Variants in C4orf51 observed in about 807,000 individuals in gnomAD.
C4orf51 encodes the protein uncharacterized protein C4orf51.
A neutral mutation model predicts 25.2 loss-of-function variants in C4orf51; 25 were observed. That is an observed-to-expected ratio of 0.99 (90% confidence interval 0.72 to 1.39). The LOEUF is 1.39. C4orf51 is among the 40% of genes most tolerant of loss of function. The pLI is 0.00. For synonymous variants in C4orf51, 100 were observed against 84.5 expected (o/e 1.18, Z -1.01); for missense variants, 252 against 239.6 (o/e 1.05, Z -0.34).
intron 1 of C4orf51, among the ~76,000 whole-genome samples, chr4:145,696,205 T>G (rs1730039052): frequency 6.6e-6 from 1 of 152,104 alleles, no homozygotes; most frequent in Non-Finnish European, 1.5e-5. Context: ...GAGGTTGCAG[T>G]GAGCCAAGAT....
the C4orf51 span, among the ~76,000 whole-genome samples, chr4:145,785,680 A>C: frequency 6.6e-6 from 1 of 152,206 alleles, no homozygotes; most frequent in Non-Finnish European, 1.5e-5. Flanking sequence ...ACTGAGGCCA[A>C]GAGAACCTAA....
chr4:145,758,406 G>A (rs1383802798), downstream of C4orf51: 1 of 152,098 alleles, frequency 6.6e-6, no homozygotes, highest in African/African-American at 2.4e-5. Flanking sequence ...GAATTGTCAG[G>A]GCCACCCTTT....
chr4:145,720,200 G>A (rs183429741), intron 2 of C4orf51, among the ~76,000 whole-genome samples: 1 of 152,078 alleles, frequency 6.6e-6, no homozygotes, highest in Non-Finnish European at 1.5e-5. Flanking sequence ...CCTGGGAGGC[G>A]AACATAAAGG....
Position 145,713,845 on chromosome 4 carries a change from C to T in C4orf51, c.308-13066C>T, listed in dbSNP as rs1417908530. 3.3e-5 allele frequency among the ~76,000 whole-genome samples: 5 copies of T among 152,172 alleles called. No individual in the cohort carries two copies. The East Asian group carries it at 7.7e-4, about 24-fold the overall frequency. ...TTGCCCAGGCTGGAGTGCAGTGATG[C>T]AATCTCGGCTCACTGCAAACTCCGC... On this transcript the variant is annotated intron_variant, in intron 2 of 5. Coordinates refer to ENST00000438731, the MANE Select transcript of C4orf51 (RefSeq NM_001080531.3).
intron 1 of C4orf51, among the ~76,000 whole-genome samples, chr4:145,688,448 G>A (rs756733251): frequency 7.2e-5 from 11 of 152,174 alleles, no homozygotes; most frequent in Non-Finnish European, 1.5e-4. Context: ...GAAGGTCCTG[G>A]TAGGAGGTGA....
At chr4:145,737,638 T>C (rs558676596), downstream of C4orf51, among the ~76,000 whole-genome samples, 98 of 152,366 alleles carry the variant, frequency 6.4e-4, no homozygotes, top group Middle Eastern at 3.4e-3. Context: ...TCTCTGCATG[T>C]TAGCTTGGCT....
chr4:145,763,869 C>T lies in C4orf51; in HGVS notation n.167-7119C>T, dbSNP rs1734880427. On this transcript the variant is annotated intron_variant and non_coding_transcript_variant, in intron 1 of 1. Coordinates refer to the C4orf51 transcript ENST00000510096. The surrounding 1 kb of genome is among the most constrained non-coding windows in gnomAD (Gnocchi z 4.6). Reference sequence around the variant, plus strand: ...CTTCTGCCCTCCCCTCCCCCTCCCCCAAGAGTGAAACGAAATGGAGTTCAA... The same window carrying T: ...CTTCTGCCCTCCCCTCCCCCTCCCCTAAGAGTGAAACGAAATGGAGTTCAA... Among the ~76,000 whole-genome samples the T allele has an allele frequency of 6.6e-6, 1 of 152,140 alleles. No homozygotes were observed. Among genetic ancestry groups the T allele is most frequent in the African/African-American group, 2.4e-5 (1 of 41,420 alleles).
At chr4:145,759,367 A>G (rs1199592807) in intron 1 of C4orf51, 1 of 152,248 alleles carries the variant, frequency 6.6e-6, no homozygotes. Flanking sequence ...CTGCTGCAAT[A>G]AAGTGCTGCA....
chr4:145,781,468 G>T, the C4orf51 span, among the ~76,000 whole-genome samples: 1 of 152,116 alleles, frequency 6.6e-6, no homozygotes, highest in Non-Finnish European at 1.5e-5. Context: ...AATAATGTTC[G>T]CTGTGAGGCA....
intron 1 of C4orf51, among the ~76,000 whole-genome samples, chr4:145,740,240 C>CAAAAAAAAA (rs60310006): frequency 1.4e-4 from 15 of 104,836 alleles, no homozygotes; most frequent in African/African-American, 4.1e-4. Context: ...TCCCTTTCTG[C>CAAAAAAAAA]AAAAAAAAAA....
At chr4:145,689,403 ATATG>A (rs1343761247) in intron 1 of C4orf51, among the ~76,000 whole-genome samples, 10 of 152,286 alleles carry the variant, frequency 6.6e-5, no homozygotes, top group African/African-American at 2.4e-4. Flanking sequence ...TATGAGACAT[ATATG>A]TATCTATATA....
chr4:145,721,895 A>G (rs1021023304), intron 2 of C4orf51, among the ~76,000 whole-genome samples: 9 of 152,230 alleles, frequency 5.9e-5, no homozygotes, highest in African/African-American at 2.2e-4. Context: ...GGAGAAAATT[A>G]GGGAAAAGGT....
chr4:145,783,807 G>A, the C4orf51 span, among the ~76,000 whole-genome samples: 54 of 152,314 alleles, frequency 3.5e-4, no homozygotes, highest in African/African-American at 1.2e-3. Context: ...TGGAGAAAGG[G>A]AAAGATGGGA....
chr4:145,732,580 A>G lies in C4orf51; in HGVS notation c.*20A>G. On this transcript the variant is annotated 3_prime_UTR_variant, in exon 6 of 6. Coordinates refer to ENST00000438731, the MANE Select transcript of C4orf51 (RefSeq NM_001080531.3). ...AACTGAGTTGGAAAATGAAGCCACA[A>G]GGCTGGAGGCGTGGAGTTTGCTTAA... The G allele has an allele frequency of 1.3e-6, 2 of 1,552,298 alleles. No homozygotes were observed. Among genetic ancestry groups the G allele is most frequent in the South Asian group, 2.3e-5 (2 of 87,358 alleles).
chr4:145,688,544 TC>T (rs959052632), intron 1 of C4orf51, among the ~76,000 whole-genome samples: 6 of 152,114 alleles, frequency 3.9e-5, no homozygotes, highest in African/African-American at 1.4e-4. Flanking sequence ...AGTGGTAGTT[TC>T]CCCAGCATGC....
At chr4:145,708,365 G>A (rs1175218531) in intron 2 of C4orf51, among the ~76,000 whole-genome samples, 4 of 152,146 alleles carry the variant, frequency 2.6e-5, no homozygotes, top group Non-Finnish European at 5.9e-5. Context: ...TTAAGGTTTG[G>A]GGAGATCTTT....
intron 1 of C4orf51, among the ~76,000 whole-genome samples, chr4:145,752,272 C>A (rs1021066033): frequency 1.1e-4 from 16 of 152,306 alleles, no homozygotes; most frequent in African/African-American, 3.6e-4. Flanking sequence ...TTATCTGAAG[C>A]CAGCAAATCT....
intron 2 of C4orf51, among the ~76,000 whole-genome samples, chr4:145,702,716 G>A (rs565579524): frequency 1.1e-3 from 171 of 152,262 alleles, no homozygotes; most frequent in African/African-American, 3.8e-3. Context: ...CTAATCAGAT[G>A]TCCTAGGTCC....
chr4:145,681,845 C>T (rs1728858483), intron 1 of C4orf51, among the ~76,000 whole-genome samples: 1 of 152,188 alleles, frequency 6.6e-6, no homozygotes, highest in Non-Finnish European at 1.5e-5. Flanking sequence ...ATGACCTAGT[C>T]ACCTCTTATT....
Sources: allele counts gnomAD v4.1 joint callset (sites outside exome capture counted in the v4.1 genomes callset), GRCh38; gene constraint gnomAD v4.1.1; non-coding constraint Gnocchi (gnomAD v3.1); transcripts MANE v1.5; gene names NCBI Gene and HGNC (gene_info 2026-07-23, HGNC 2026-07-21).